The following CRB1 variants were observed in gnomAD, a reference collection of about 807,000 sequenced individuals.
CRB1 encodes the protein crumbs cell polarity complex component 1.
A neutral mutation model predicts 120.0 loss-of-function variants in CRB1; 83 were observed. That is an observed-to-expected ratio of 0.69 (90% CI 0.58 to 0.83). The LOEUF is 0.83. Ranked by LOEUF, CRB1 falls within the 40% of genes least tolerant of loss-of-function variation. The pLI is 0.00. For missense variants in CRB1, 1,699 were observed against 1,687.6 expected, an observed-to-expected ratio of 1.01 and a Z score of -0.12; for synonymous variants, 625 against 612.5, an observed-to-expected ratio of 1.02 and a Z score of -0.30.
the CRB1 span, among the ~76,000 whole-genome samples, chr1:197,238,869 T>C: frequency 6.6e-6 from 1 of 151,902 alleles, no homozygotes. Context: ...CCAGCTATTA[T>C]AAAAACAAGA....
chr1:197,293,096 C>T (rs1323724153), intron 1 of CRB1, among the ~76,000 whole-genome samples: 1 of 151,942 alleles, frequency 6.6e-6, no homozygotes, highest in Non-Finnish European at 1.5e-5. Flanking sequence ...AAATGGTATT[C>T]GATCAGGAAA....
chr1:197,345,738 C>T (rs924730660), intron 3 of CRB1, among the ~76,000 whole-genome samples: 1 of 152,008 alleles, frequency 6.6e-6, no homozygotes, highest in Non-Finnish European at 1.5e-5. Flanking sequence ...GAACTCCTGA[C>T]CGCAGGTGAT....
chr1:197,449,241 T>C (rs1030773665), intron 11 of CRB1, among the ~76,000 whole-genome samples: 1 of 152,226 alleles, frequency 6.6e-6, no homozygotes, highest in Non-Finnish European at 1.5e-5. Flanking sequence ...CTTTTGTATA[T>C]AAGTTTCATT....
the CRB1 span, among the ~76,000 whole-genome samples, chr1:197,256,361 T>A: frequency 6.6e-6 from 1 of 151,976 alleles, no homozygotes; most frequent in African/African-American, 2.4e-5. Flanking sequence ...ATTATTATTT[T>A]TTATAAATAA....
chr1:197,405,970 C>T (rs1478674676), intron 5 of CRB1, among the ~76,000 whole-genome samples: 4 of 149,794 alleles, frequency 2.7e-5, no homozygotes, highest in Admixed American at 6.7e-5. Context: ...CAGCCCCCCG[C>T]CCGGCCAGCC....
At chr1:197,349,496 T>C (rs1659966707) in intron 4 of CRB1, among the ~76,000 whole-genome samples, 1 of 152,254 alleles carries the variant, frequency 6.6e-6, no homozygotes, top group South Asian at 2.1e-4. Context: ...GGCCTAGTTA[T>C]ATAAGCTTAC....
chr1:197,427,425 T>TC, intron 6 of CRB1, 29 bp from the exon 7 acceptor site: 1 of 1,606,544 alleles, frequency 6.2e-7, no homozygotes, highest in Non-Finnish European at 8.5e-7. Flanking sequence ...TCTTTTTTTT[T>TC]CTCCTCCTCC....
intron 5 of CRB1, among the ~76,000 whole-genome samples, chr1:197,402,642 C>G (rs772649391): frequency 6.6e-6 from 1 of 152,116 alleles, no homozygotes; most frequent in African/African-American, 2.4e-5. Flanking sequence ...ATTTTAAGGT[C>G]TAATTTCTGT....
chr1:197,263,310 T>G (rs1654556022), upstream of CRB1, among the ~76,000 whole-genome samples: 1 of 152,228 alleles, frequency 6.6e-6, no homozygotes, highest in Non-Finnish European at 1.5e-5. Flanking sequence ...ACATGTTTGT[T>G]GGCTGCTTGT....
At chr1:197,444,009 A>G (rs1665583241) in intron 11 of CRB1, 1 of 152,180 alleles carries the variant, frequency 6.6e-6, no homozygotes, top group South Asian at 2.1e-4. Context: ...TACGTCTATG[A>G]CTTTAGGAGC....
chr1:197,461,041 A>T (rs1666507361), intron 11 of CRB1, among the ~76,000 whole-genome samples: 1 of 152,154 alleles, frequency 6.6e-6, no homozygotes, highest in East Asian at 1.9e-4. Context: ...AAAGATAATC[A>T]CAGCTGGCAA....
intron 4 of CRB1, among the ~76,000 whole-genome samples, chr1:197,354,569 C>G (rs896512008): frequency 9.2e-5 from 14 of 152,040 alleles, no homozygotes; most frequent in African/African-American, 3.1e-4. Flanking sequence ...GATGGCACGT[C>G]TGGCCGCGTC....
At chr1:197,276,427 A>T (rs1327937694) in intron 1 of CRB1, among the ~76,000 whole-genome samples, 1 of 151,728 alleles carries the variant, frequency 6.6e-6, no homozygotes, top group African/African-American at 2.4e-5. Flanking sequence ...AGGGCCGTAA[A>T]TCTATATATC....
the CRB1 span, among the ~76,000 whole-genome samples, chr1:197,240,543 G>A: frequency 6.6e-6 from 1 of 152,086 alleles, no homozygotes; most frequent in African/African-American, 2.4e-5. Flanking sequence ...CAAAGGACAT[G>A]AACTCATCCA....
chr1:197,243,941 C>T, the CRB1 span, among the ~76,000 whole-genome samples: 2 of 152,008 alleles, frequency 1.3e-5, no homozygotes, highest in Non-Finnish European at 2.9e-5. Context: ...CCTTCTTTGT[C>T]TTTTTTGATC....
At chr1:197,208,679 G>T in the CRB1 span, among the ~76,000 whole-genome samples, 3 of 152,156 alleles carry the variant, frequency 2.0e-5, no homozygotes, top group Non-Finnish European at 4.4e-5. Flanking sequence ...CTGGTTTTCT[G>T]TTGGTTGGCC....
At chr1:197,365,501 G>T (rs1038612270) in intron 5 of CRB1, among the ~76,000 whole-genome samples, 1 of 151,974 alleles carries the variant, frequency 6.6e-6, no homozygotes, top group African/African-American at 2.4e-5. Flanking sequence ...CCTCTGGGGA[G>T]GGGGGGAGAA....
chr1:197,421,136 G>C lies in CRB1; in HGVS notation c.1308G>C (p.Arg436Ser). ...DNLSRTFYGG[R>S]DCSDILLGCT... ...TTTCTAGAACTTTTTATGGAGGAAG[G>C]GACTGTTCTGATATTCTCCTGGGCT... Residue 436 changes from arginine (R) to serine (S), a missense_variant, in exon 6 of 12, where the codon AGG becomes AGC. Transcript: ENST00000367400. 6.2e-7 allele frequency: 1 copy of C among 1,614,090 alleles called. No individual in the cohort carries two copies. Among genetic ancestry groups the C allele is most frequent in the Non-Finnish European group, 8.5e-7 (1 of 1,179,978 alleles).
chr1:197,352,135 T>C (rs1031715660), intron 4 of CRB1, among the ~76,000 whole-genome samples: 1 of 152,174 alleles, frequency 6.6e-6, no homozygotes, highest in South Asian at 2.1e-4. Context: ...AAACATAATA[T>C]AAGAACCCCA....
Sources: allele counts gnomAD v4.1 joint callset (sites outside exome capture counted in the v4.1 genomes callset), GRCh38; gene constraint gnomAD v4.1.1; transcripts MANE v1.5; gene names NCBI Gene and HGNC (gene_info 2026-07-23, HGNC 2026-07-21).